Variants in NRG3 observed in about 807,000 individuals in gnomAD.
The protein encoded by NRG3 is pro-neuregulin-3, membrane-bound isoform.
In NRG3, 31 loss-of-function variants were observed where a neutral mutation model predicts 66.9. The ratio of observed to expected loss-of-function variants is 0.46; its 90% CI spans 0.35 to 0.63. NRG3 has a LOEUF of 0.63. Ranked by LOEUF, NRG3 falls within the 20% of genes least tolerant of loss-of-function variation. NRG3 has a pLI of 0.00. For synonymous variants in NRG3, 393 were observed against 359.4 expected, an observed-to-expected ratio of 1.09 and a Z score of -1.06; for missense variants, 910 against 878.9, an observed-to-expected ratio of 1.04 and a Z score of -0.45.
At chr10:82,782,626 G>C (rs1284438742) in intron 3 of NRG3, among the ~76,000 whole-genome samples, 1 of 152,042 alleles carries the variant, frequency 6.6e-6, no homozygotes, top group Non-Finnish European at 1.5e-5. Context: ...AGAAGAATTT[G>C]AATGAGCAAG....
intron 1 of NRG3, among the ~76,000 whole-genome samples, chr10:82,112,917 T>A (rs1192710361): frequency 6.6e-6 from 1 of 152,154 alleles, no homozygotes; most frequent in Admixed American, 6.5e-5. Context: ...CCATGCCTAG[T>A]ATAGGTTGTG....
intron 2 of NRG3, among the ~76,000 whole-genome samples, chr10:82,386,974 A>AT (rs1008136222): frequency 1.3e-5 from 2 of 151,942 alleles, no homozygotes; most frequent in Non-Finnish European, 2.9e-5. Context: ...TAATTTTTGT[A>AT]TTTTTAGTAG....
chr10:82,643,620 C>T (rs2255228), intron 2 of NRG3, among the ~76,000 whole-genome samples: 130,632 of 151,996 alleles, frequency 0.86, 56,233 homozygotes, highest in Middle Eastern at 0.92. Context: ...GAAACTTGAT[C>T]TAGAATTTTT....
intron 1 of NRG3, chr10:82,232,997 T>C: frequency 1.7e-6 from 1 of 587,634 alleles, no homozygotes; most frequent in East Asian, 2.8e-5. Flanking sequence ...GTTTCCAGGG[T>C]ATGTGGGCAA....
intron 1 of NRG3, among the ~76,000 whole-genome samples, chr10:82,282,475 G>C (rs1055130283): frequency 4.6e-5 from 7 of 151,996 alleles, no homozygotes; most frequent in Admixed American, 1.3e-4. Flanking sequence ...AGGGCAGCAG[G>C]ACTGAAAGTT....
chr10:82,006,222 G>A (rs116570930), intron 1 of NRG3, among the ~76,000 whole-genome samples: 1 of 152,020 alleles, frequency 6.6e-6, no homozygotes, highest in Non-Finnish European at 1.5e-5. Flanking sequence ...GTGAGACAAA[G>A]AGATCTTTGA....
chr10:82,875,093 A>G (rs927558228), intron 4 of NRG3, among the ~76,000 whole-genome samples: 2 of 152,218 alleles, frequency 1.3e-5, no homozygotes, highest in African/African-American at 2.4e-5. Flanking sequence ...ACATGGGGTA[A>G]TCTACAGAAG....
intron 2 of NRG3, among the ~76,000 whole-genome samples, chr10:82,699,561 T>A (rs1358997991): frequency 1.3e-5 from 2 of 152,128 alleles, no homozygotes; most frequent in African/African-American, 2.4e-5. Flanking sequence ...TCTTTTTTTT[T>A]ATACTTGAAA....
At chr10:82,564,294 T>G (rs1304551538) in intron 2 of NRG3, among the ~76,000 whole-genome samples, 1 of 152,168 alleles carries the variant, frequency 6.6e-6, no homozygotes, top group East Asian at 1.9e-4. Flanking sequence ...TATTTTCTGT[T>G]GATTCATTTT....
chr10:82,149,892 ATCTAG>A (rs1259683446), intron 1 of NRG3, among the ~76,000 whole-genome samples: 2 of 152,130 alleles, frequency 1.3e-5, no homozygotes, highest in African/African-American at 2.4e-5. Flanking sequence ...CTTGGGGTGG[ATCTAG>A]ACTAGAATAG....
In NRG3 at chr10:82,229,819, A is replaced by T. The variant is rs77264376; in HGVS notation, c.824-128920A>T. Among the ~76,000 whole-genome samples, 938 of 152,340 alleles carry T rather than the reference A, an allele frequency of 6.2e-3. 32 individuals are homozygous for T. Among genetic ancestry groups the T allele is most frequent in the East Asian group, 0.043 (223 of 5,190 alleles). On this transcript the variant is annotated intron_variant, in intron 1 of 8. Transcript: ENST00000372141. ...AGGACACAGGCAAACCATATTAAGT[A>T]TAGGAAAGAATAGTAGAAAAGAATG...
At chr10:82,363,590 G>T (rs1330518653) in intron 2 of NRG3, among the ~76,000 whole-genome samples, 1 of 152,078 alleles carries the variant, frequency 6.6e-6, no homozygotes. Context: ...CTGGTAGCTG[G>T]GACTACAGGC....
At chr10:82,705,728 G>A (rs536939566) in intron 2 of NRG3, among the ~76,000 whole-genome samples, 3 of 149,354 alleles carry the variant, frequency 2.0e-5, no homozygotes, top group African/African-American at 7.3e-5. Context: ...ACAAAGAAAA[G>A]GCAGTTTTGC....
chr10:82,206,672 C>G (rs1283203240), intron 1 of NRG3, among the ~76,000 whole-genome samples: 1 of 152,290 alleles, frequency 6.6e-6, no homozygotes, highest in East Asian at 1.9e-4. Context: ...TGTCAGGACT[C>G]TTTGAATGTA....
intron 1 of NRG3, among the ~76,000 whole-genome samples, chr10:82,282,863 A>C (rs1468819360): frequency 1.3e-5 from 2 of 151,988 alleles, no homozygotes; most frequent in Non-Finnish European, 2.9e-5. Flanking sequence ...ATTTTAAAAC[A>C]CCTCCCAGGT....
chr10:82,868,491 A>G (rs1840981123), intron 4 of NRG3, among the ~76,000 whole-genome samples: 1 of 152,134 alleles, frequency 6.6e-6, no homozygotes, highest in Non-Finnish European at 1.5e-5. Context: ...GGGTTGGGGA[A>G]CAACTCAGAG....
At chr10:82,855,224 A>G (rs1047960560) in intron 3 of NRG3, among the ~76,000 whole-genome samples, 3 of 152,170 alleles carry the variant, frequency 2.0e-5, no homozygotes, top group African/African-American at 7.2e-5. Context: ...AAAGCATGGT[A>G]TTAAAACAAT....
At chr10:82,080,844 A>G (rs1266862288) in intron 1 of NRG3, among the ~76,000 whole-genome samples, 2 of 152,132 alleles carry the variant, frequency 1.3e-5, no homozygotes, top group Non-Finnish European at 2.9e-5. Context: ...CTATACCCAA[A>G]ACTTTTTCAT....
intron 2 of NRG3, among the ~76,000 whole-genome samples, chr10:82,378,746 T>G (rs984670259): frequency 1.3e-5 from 2 of 151,978 alleles, no homozygotes; most frequent in African/African-American, 4.8e-5. Flanking sequence ...AATTTTTGTA[T>G]TTTTTATAGA....
Sources: gnomAD v4.1 joint callset for allele counts (sites outside exome capture counted in the v4.1 genomes callset) on GRCh38, gnomAD v4.1.1 for gene constraint, MANE v1.5 for transcripts, NCBI Gene and HGNC (gene_info 2026-07-23, HGNC 2026-07-21) for gene names.